The following ARHGAP8 variants were observed in gnomAD, a reference collection of about 807,000 sequenced individuals.
ARHGAP8 encodes Rho GTPase activating protein 8, also known as rho GTPase-activating protein 8.
Under a neutral mutation model 46.1 loss-of-function variants are expected in ARHGAP8, and 62 were observed. The observed-to-expected ratio is 1.34, with a 90% CI of 1.10 to 1.66. ARHGAP8 has a LOEUF of 1.66. ARHGAP8 is among the 40% of genes most tolerant of loss of function. The pLI is 0.00. For synonymous variants in ARHGAP8, 375 were observed against 243.1 expected (o/e 1.54, Z -5.05); for missense variants, 923 against 568.4 (o/e 1.62, Z -6.34).
chr22:44,816,667 G>T (rs903217961), intron 5 of ARHGAP8, among the ~76,000 whole-genome samples: 6 of 152,046 alleles, frequency 3.9e-5, no homozygotes, highest in African/African-American at 1.4e-4. Flanking sequence ...TTAGCCGGAT[G>T]TGTAGCATGC....
chr22:44,833,726 A>G (rs1210956191), intron 7 of ARHGAP8, among the ~76,000 whole-genome samples: 3 of 152,152 alleles, frequency 2.0e-5, no homozygotes, highest in East Asian at 3.8e-4. Context: ...AATTTGTACC[A>G]TATTAGAGTT....
intron 9 of ARHGAP8, 77 bp from the exon 10 acceptor site, chr22:44,848,855 G>A (rs2070025024): frequency 1.3e-6 from 2 of 1,594,090 alleles, no homozygotes; most frequent in South Asian, 1.1e-5. Context: ...CTCACGCCCT[G>A]TGTCTCAGAG....
At chr22:44,845,141 T>C in intron 7 of ARHGAP8, 128 bp from the exon 8 acceptor site, 1 of 1,116,284 alleles carries the variant, frequency 9.0e-7, no homozygotes, top group Non-Finnish European at 1.3e-6. Flanking sequence ...TGAGCCTACC[T>C]CTCTCTTCCT....
At chr22:44,811,870 G>T (rs112576201) in intron 4 of ARHGAP8, among the ~76,000 whole-genome samples, 1 of 151,842 alleles carries the variant, frequency 6.6e-6, no homozygotes, top group African/African-American at 2.4e-5. Flanking sequence ...GGTGGTGCAC[G>T]CCTGTAATCT....
intron 10 of ARHGAP8, among the ~76,000 whole-genome samples, chr22:44,857,450 A>AAAAC (rs1199194036): frequency 1.3e-5 from 2 of 152,180 alleles, no homozygotes; most frequent in African/African-American, 2.4e-5. Context: ...TCACAAGAGA[A>AAAAC]AAACATACCA....
intron 2 of ARHGAP8, among the ~76,000 whole-genome samples, chr22:44,794,316 A>C (rs1005138939): frequency 2.0e-5 from 3 of 152,190 alleles, no homozygotes; most frequent in Admixed American, 2.0e-4. Context: ...CAGATGACCA[A>C]AGAGGCGCCA....
At chr22:44,805,213 G>T (rs948455461) in intron 3 of ARHGAP8, among the ~76,000 whole-genome samples, 1 of 152,236 alleles carries the variant, frequency 6.6e-6, no homozygotes, top group Non-Finnish European at 1.5e-5. Context: ...CTGCTGCTGG[G>T]CCAGGAATGA....
At chr22:44,761,194 A>G (rs1925104009) in intron 1 of ARHGAP8, among the ~76,000 whole-genome samples, 1 of 151,076 alleles carries the variant, frequency 6.6e-6, no homozygotes, top group Admixed American at 6.6e-5. Context: ...TAGCAAAAGG[A>G]TCACGGAAAT....
At chr22:44,753,612 TG>T (rs3838171) in intron 1 of ARHGAP8, among the ~76,000 whole-genome samples, 3 of 33,132 alleles carry the variant, frequency 9.1e-5, no homozygotes, top group East Asian at 9.7e-4. Flanking sequence ...CTCAATCCTG[TG>T]GGGGGTGGGG....
chr22:44,854,669 C>T (rs376267627), intron 10 of ARHGAP8, among the ~76,000 whole-genome samples: 160 of 151,242 alleles, frequency 1.1e-3, no homozygotes, highest in African/African-American at 1.4e-3. Context: ...GATGGAGTCT[C>T]GCTCTGTTGC....
chr22:44,759,377 TG>T (rs1416879519), intron 1 of ARHGAP8, among the ~76,000 whole-genome samples: 1 of 152,266 alleles, frequency 6.6e-6, no homozygotes. Flanking sequence ...TCTCCCAATC[TG>T]GGGTAGGCAG....
At chr22:44,758,162 C>T (rs1194241660) in intron 1 of ARHGAP8, among the ~76,000 whole-genome samples, 1 of 152,132 alleles carries the variant, frequency 6.6e-6, no homozygotes, top group Non-Finnish European at 1.5e-5. Context: ...TGTGAAGAGG[C>T]ATCTGAGGCC....
At chr22:44,855,940 C>CCTCAGGAAGCTTT (rs2070210014) in intron 10 of ARHGAP8, among the ~76,000 whole-genome samples, 1 of 152,142 alleles carries the variant, frequency 6.6e-6, no homozygotes, top group African/African-American at 2.4e-5. Context: ...TCCAGGGAGG[C>CCTCAGGAAGCTTT]CTCAGGAAGC....
At position 44,808,623 on chromosome 22, in the gene ARHGAP8, G is replaced by C. The variant is rs1048806408; in HGVS notation, c.299+185G>C. The C allele has an allele frequency of 1.6e-5, 18 of 1,123,512 alleles. No homozygotes were observed. In the African/African-American group the frequency reaches 2.8e-4, roughly 18 times the overall value. The allele number at this position is 1,123,512 out of a possible 1,614,324, so 69.6% of individuals were successfully genotyped here. On this transcript the variant is annotated intron_variant, in intron 4 of 11. Transcript: ENST00000356099. ...CTCTGGGCCAAGCTCTGGAATCCCG[G>C]GCAGGGGTTGGCACTCATTTTTTTT...
rs933630115 is a variant in ARHGAP8, at chr22:44,807,282, T to C, written c.168-1025T>C. Among the ~76,000 whole-genome samples, 3 of 152,188 alleles carry C rather than the reference T, an allele frequency of 2.0e-5. No homozygotes were observed. In the South Asian group the frequency reaches 6.2e-4, roughly 32 times the overall value. On this transcript the variant is annotated intron_variant, in intron 3 of 11. Transcript: ENST00000356099. ...GGTTAGGGGGTCCTTCTGGAGCCCT[T>C]CCTTCTGCAGATGGCAGGGCAAGCC...
chr22:44,759,464 G>A (rs949613672), intron 1 of ARHGAP8, among the ~76,000 whole-genome samples: 2 of 152,170 alleles, frequency 1.3e-5, no homozygotes, highest in African/African-American at 4.8e-5. Flanking sequence ...AAGTCAAGGG[G>A]GGTGCATTAG....
chr22:44,777,194 C>T (rs1926490337), intron 1 of ARHGAP8: 1 of 152,194 alleles, frequency 6.6e-6, no homozygotes, highest in South Asian at 2.1e-4. Context: ...GGGCCCAGGC[C>T]TTCCCCTTGG....
rs190311954 is a variant in ARHGAP8 at position 44,766,637 on chromosome 22, C to T, written c.-72+14010C>T. On this transcript the variant is annotated intron_variant, in intron 1 of 11. Coordinates refer to ENST00000356099, the MANE Select transcript of ARHGAP8 (RefSeq NM_181335.3). ...AAGTACGCACATGATTCCAAGACCC[C>T]GCCTGCCTGTCTTCCTGGGGACCCT... 1.1e-3 allele frequency among the ~76,000 whole-genome samples: 172 copies of T among 152,194 alleles called. 1 individual carries two copies. The highest frequency in any genetic ancestry group is 3.7e-3 in the African/African-American group (154 of 41,530).
intron 10 of ARHGAP8, among the ~76,000 whole-genome samples, chr22:44,854,983 A>C (rs532674176): frequency 6.6e-6 from 1 of 152,208 alleles, no homozygotes; most frequent in South Asian, 2.1e-4. Context: ...ATATCAGACT[A>C]ATCTTGTCAG....
Sources: gnomAD v4.1 joint callset for allele counts (sites outside exome capture counted in the v4.1 genomes callset) on GRCh38, gnomAD v4.1.1 for gene constraint, MANE v1.5 for transcripts, NCBI Gene and HGNC (gene_info 2026-07-23, HGNC 2026-07-21) for gene names.